RBL1: variants seen among roughly 807,000 people sequenced by gnomAD.
RBL1 encodes the protein retinoblastoma-like protein 1.
In RBL1, 82 loss-of-function variants were observed where a neutral mutation model predicts 123.0. The observed-to-expected ratio is 0.67, with a 90% confidence interval of 0.56 to 0.80. RBL1 has a LOEUF of 0.80. Among genes scored for constraint, RBL1 ranks in the 30% least tolerant of loss-of-function variants. The probability of loss-of-function intolerance (pLI) is 0.00; values close to 1 mark genes in which losing one functional copy is unlikely to be tolerated. For missense variants in RBL1, 1,171 were observed against 1,299.6 expected (o/e 0.90, Z 1.52); for synonymous variants, 405 against 441.3 (o/e 0.92, Z 1.03).
At chr20:37,036,146 A>G (rs1238558337) in intron 14 of RBL1, among the ~76,000 whole-genome samples, 1 of 152,096 alleles carries the variant, frequency 6.6e-6, no homozygotes, top group East Asian at 1.9e-4. Flanking sequence ...TCTGCTTTCC[A>G]TTCCCTCTCT....
At chr20:37,032,486 A>T (rs909366497) in intron 16 of RBL1, among the ~76,000 whole-genome samples, 179 bp downstream of exon 16, 11 of 152,206 alleles carry the variant, frequency 7.2e-5, no homozygotes, top group Non-Finnish European at 1.2e-4. Context: ...GGTAGTAATA[A>T]AGCTGCACAA....
intron 19 of RBL1, among the ~76,000 whole-genome samples, chr20:37,017,198 A>G (rs931212482): frequency 1.3e-5 from 2 of 151,880 alleles, no homozygotes; most frequent in Non-Finnish European, 2.9e-5. Context: ...ACATGGCAAA[A>G]TCCCGTCTCT....
chr20:36,998,481 C>T lies in RBL1; in HGVS notation c.*278G>A. ...TCCGGTGATCTGCCCGCCTTGGCCT[C>T]CCAAAGTCCTGGGATTACAGGCGTG... On this transcript the variant is annotated 3_prime_UTR_variant, in exon 22 of 22. Coordinates refer to ENST00000373664, the MANE Select transcript of RBL1 (RefSeq NM_002895.5). 3.9e-6 allele frequency: 1 copy of T among 253,864 alleles called. No individual in the cohort carries two copies. The highest frequency in any genetic ancestry group is 7.5e-6 in the Non-Finnish European group (1 of 132,560). 15.7% of individuals were successfully genotyped at this position (253,864 alleles called of 1,614,324 possible).
chr20:37,014,244 T>G (rs1422118607), intron 19 of RBL1, among the ~76,000 whole-genome samples: 1 of 152,076 alleles, frequency 6.6e-6, no homozygotes, highest in Admixed American at 6.6e-5. Flanking sequence ...TGTGTGGCTA[T>G]TTTAAAAAAT....
At chr20:37,085,767 C>A (rs1004539589) in intron 2 of RBL1, among the ~76,000 whole-genome samples, 2 of 151,338 alleles carry the variant, frequency 1.3e-5, no homozygotes, top group African/African-American at 4.9e-5. Flanking sequence ...CATACTCCCA[C>A]CTCAGCCTCT....
At chr20:37,036,418 C>T (rs1386048854) in intron 14 of RBL1, among the ~76,000 whole-genome samples, 2 of 152,010 alleles carry the variant, frequency 1.3e-5, no homozygotes, top group Non-Finnish European at 2.9e-5. Context: ...GCTGGGACTA[C>T]AGGCATGTGC....
intron 2 of RBL1, among the ~76,000 whole-genome samples, chr20:37,070,815 T>C (rs1384982799): frequency 6.6e-6 from 1 of 152,146 alleles, no homozygotes; most frequent in African/African-American, 2.4e-5. Flanking sequence ...TATGTCCCTA[T>C]GTTAACGTGG....
At chr20:37,015,469 C>T (rs6030759) in intron 19 of RBL1, among the ~76,000 whole-genome samples, 18 of 151,358 alleles carry the variant, frequency 1.2e-4, no homozygotes, top group African/African-American at 4.1e-4. Flanking sequence ...CTCACTCTGT[C>T]GCCCAGGGTA....
chr20:37,047,832 T>C (rs916805331), intron 11 of RBL1, among the ~76,000 whole-genome samples: 4 of 151,756 alleles, frequency 2.6e-5, no homozygotes, highest in Non-Finnish European at 5.9e-5. Context: ...ATACAAAAAT[T>C]AGCTGGGTGT....
chr20:37,047,809 G>A (rs973554006), intron 11 of RBL1, among the ~76,000 whole-genome samples: 2 of 151,832 alleles, frequency 1.3e-5, no homozygotes, highest in African/African-American at 2.4e-5. Context: ...GTGAAACCCC[G>A]TCTCTACTAA....
chr20:37,005,894 C>CTTTT (rs1013303071), intron 20 of RBL1, among the ~76,000 whole-genome samples: 98 of 98,088 alleles, frequency 1.0e-3, no homozygotes, highest in East Asian at 2.5e-3. Context: ...TTTTTTCTTT[C>CTTTT]TTTTTTTTTT....
At position 37,066,979 on chromosome 20, in the gene RBL1, A is replaced by G. The variant is rs762331083; in HGVS notation, c.685+14T>C. The G allele has an allele frequency of 1.9e-6, 3 of 1,588,660 alleles. No homozygotes were observed. Among genetic ancestry groups the G allele is most frequent in the Non-Finnish European group, 2.6e-6 (3 of 1,170,702 alleles). ...ACTGATAATCAGTTTTCAAAAATAA[A>G]TAAAAGGTCTTACCTTTAAATGATG... On this transcript the variant is annotated intron_variant, in intron 5 of 21. Transcript: ENST00000373664.
intron 20 of RBL1, among the ~76,000 whole-genome samples, chr20:37,004,485 G>C: frequency 6.7e-6 from 1 of 149,010 alleles, no homozygotes; most frequent in East Asian, 2.0e-4. Flanking sequence ...GGCTGAGATG[G>C]GCGGATCACC....
chr20:37,026,476 C>T (rs1255047811), intron 16 of RBL1, among the ~76,000 whole-genome samples: 5 of 150,638 alleles, frequency 3.3e-5, no homozygotes, highest in Admixed American at 2.6e-4. Context: ...GAGGCCAAGA[C>T]GGGTGGATCA....
At position 37,018,374 on chromosome 20, in the gene RBL1, A is replaced by C; in HGVS notation, c.2632-5T>G. ...CAGCAGAACACTTCTATATACCTAC[A>C]TGCCAGAGGGGAAGAAAAGGACAGC... On this transcript the variant is annotated splice_region_variant and splice_polypyrimidine_tract_variant and intron_variant, in intron 18 of 21. Coordinates refer to ENST00000373664, the MANE Select transcript of RBL1 (RefSeq NM_002895.5). 6.3e-7 allele frequency: 1 copy of C among 1,598,646 alleles called. No individual in the cohort carries two copies.
intron 11 of RBL1, 101 bp from the exon 12 acceptor site, chr20:37,047,291 T>C: frequency 7.4e-7 from 1 of 1,349,336 alleles, no homozygotes; most frequent in Non-Finnish European, 9.9e-7. Flanking sequence ...AACGTGCAAA[T>C]TATATTACAC....
chr20:37,052,901 C>A (rs999145372), intron 11 of RBL1, among the ~76,000 whole-genome samples: 36 of 152,256 alleles, frequency 2.4e-4, no homozygotes, highest in African/African-American at 8.7e-4. Flanking sequence ...CTCAGTCTCC[C>A]AAAGTGCTGG....
intron 8 of RBL1, among the ~76,000 whole-genome samples, chr20:37,061,820 A>G (rs1022932034): frequency 6.6e-6 from 1 of 152,240 alleles, no homozygotes; most frequent in Non-Finnish European, 1.5e-5. Flanking sequence ...TAAGAAAGCA[A>G]AACTTCCTCT....
In RBL1 at chr20:37,056,234, T is replaced by C. The variant is rs755451275; in HGVS notation, c.1275A>G (p.Glu425=). The change falls in exon 10 of 22, where the codon GAA becomes GAG. Residue 425 remains glutamate, a synonymous_variant. Transcript: ENST00000373664. ...TTCCTTTTAGTATTTTCATAATGTT[T>C]TCCACAGGATTACGCACACAAGATC... is the stretch of plus-strand genomic sequence containing the variant. The part of the protein sequence containing the change: ...IFESCVRNPV[E]NIMKILKGIG... The C allele has an allele frequency of 6.2e-7, 1 of 1,609,908 alleles. No homozygotes were observed. The highest frequency in any genetic ancestry group is 2.2e-5 in the East Asian group (1 of 44,844).
Sources: gnomAD v4.1 joint callset for allele counts (sites outside exome capture counted in the v4.1 genomes callset) on GRCh38, gnomAD v4.1.1 for gene constraint, MANE v1.5 for transcripts, NCBI Gene and HGNC (gene_info 2026-07-23, HGNC 2026-07-21) for gene names.